SLC4A10: variants seen among roughly 807,000 people sequenced by gnomAD.
SLC4A10 encodes the protein solute carrier family 4 member 10.
In SLC4A10, 42 loss-of-function variants were observed where a neutral mutation model predicts 137.7. That is an observed-to-expected ratio of 0.30 (90% CI 0.24 to 0.39). The LOEUF (loss-of-function observed/expected upper bound fraction) is 0.39, where lower values mean the gene tolerates loss of function less well. Ranked by LOEUF, SLC4A10 falls within the 10% of genes least tolerant of loss-of-function variation. The pLI, the probability that SLC4A10 is intolerant of heterozygous loss-of-function variation, is 1.00. For synonymous variants in SLC4A10, 474 were observed against 464.1 expected (o/e 1.02, Z -0.27); for missense variants, 925 against 1,355.0 (o/e 0.68, Z 4.98).
In SLC4A10 at chr2:161,667,831, GT is replaced by G. The variant is rs2039244192; in HGVS notation, c.48+43271del. Among the ~76,000 whole-genome samples the G allele has an allele frequency of 5.3e-5, 8 of 151,724 alleles. 1 individual carries two copies. In the South Asian group the frequency reaches 1.7e-3, roughly 31 times the overall value. Reference sequence around the variant, plus strand: ...TTTTCATATTTTGAGGTTGTATCTAGTTTTTTAAAAGAACTAGAAATTACTC... The same window carrying G: ...TTTTCATATTTTGAGGTTGTATCTAGTTTTTAAAAGAACTAGAAATTACTC... On this transcript the variant is annotated intron_variant, in intron 1 of 26. Transcript: ENST00000446997.
At chr2:161,902,175 C>T (rs1477405299) in intron 12 of SLC4A10, 1 of 431,718 alleles carries the variant, frequency 2.3e-6, no homozygotes, top group African/African-American at 2.0e-5. Context: ...GTAATGAACT[C>T]CCACTTCCGG....
intron 3 of SLC4A10, 110 bp downstream of exon 3, chr2:161,804,705 T>C: frequency 9.4e-7 from 1 of 1,060,410 alleles, no homozygotes; most frequent in Non-Finnish European, 1.3e-6. Context: ...TATACTTTTA[T>C]AAAAGACTTT....
chr2:161,756,367 T>G (rs917131848), intron 1 of SLC4A10, among the ~76,000 whole-genome samples: 4 of 152,168 alleles, frequency 2.6e-5, no homozygotes, highest in African/African-American at 9.7e-5. Flanking sequence ...AATTAGAAAG[T>G]ATGATTTTTG....
At chr2:161,727,527 C>A (rs2046359519) in intron 1 of SLC4A10, among the ~76,000 whole-genome samples, 1 of 152,112 alleles carries the variant, frequency 6.6e-6, no homozygotes, top group East Asian at 1.9e-4. Context: ...GGAGAAAAAT[C>A]TTTCCAAATT....
chr2:161,832,976 G>A (rs1467884862), intron 3 of SLC4A10, among the ~76,000 whole-genome samples: 1 of 152,122 alleles, frequency 6.6e-6, no homozygotes, highest in African/African-American at 2.4e-5. Flanking sequence ...TGCTGACCTC[G>A]TGATCCGCCC....
intron 1 of SLC4A10, among the ~76,000 whole-genome samples, chr2:161,691,075 TC>T (rs1311391614): frequency 6.6e-6 from 1 of 152,148 alleles, no homozygotes; most frequent in Non-Finnish European, 1.5e-5. Context: ...TACATACATA[TC>T]TTTTGAATTG....
chr2:161,812,532 C>T (rs148248072), intron 3 of SLC4A10, among the ~76,000 whole-genome samples: 44 of 152,098 alleles, frequency 2.9e-4, no homozygotes, highest in Non-Finnish European at 4.4e-4. Flanking sequence ...TTCCCAGCTC[C>T]GGTGATTCCA....
chr2:161,963,760 G>A (rs1465371216), intron 21 of SLC4A10, among the ~76,000 whole-genome samples: 1 of 152,150 alleles, frequency 6.6e-6, no homozygotes, highest in Non-Finnish European at 1.5e-5. Context: ...GAGAGTCCAG[G>A]AATCCCAATG....
intron 1 of SLC4A10, among the ~76,000 whole-genome samples, chr2:161,645,326 A>G (rs1167870316): frequency 3.3e-5 from 5 of 152,172 alleles, no homozygotes; most frequent in Middle Eastern, 6.8e-3. Context: ...TATTTTTCAT[A>G]CTACAAGACT....
intron 6 of SLC4A10, among the ~76,000 whole-genome samples, chr2:161,867,772 T>A (rs1245087701): frequency 6.6e-6 from 1 of 152,022 alleles, no homozygotes; most frequent in Non-Finnish European, 1.5e-5. Flanking sequence ...TTTCTTCATG[T>A]TTTCTATTCC....
At chr2:161,756,134 T>C (rs2049616696) in intron 1 of SLC4A10, among the ~76,000 whole-genome samples, 1 of 152,168 alleles carries the variant, frequency 6.6e-6, no homozygotes, top group Admixed American at 6.6e-5. Context: ...ATTTTGATGG[T>C]GTACTTTTAA....
intron 3 of SLC4A10, among the ~76,000 whole-genome samples, chr2:161,824,607 C>T (rs917861780): frequency 3.9e-5 from 6 of 152,038 alleles, no homozygotes; most frequent in African/African-American, 1.5e-4. Flanking sequence ...TCTAAACCAG[C>T]GCCAGAAGAT....
intron 3 of SLC4A10, among the ~76,000 whole-genome samples, chr2:161,832,051 TAC>T (rs2058468220): frequency 6.6e-6 from 1 of 152,180 alleles, no homozygotes; most frequent in South Asian, 2.1e-4. Flanking sequence ...TTTATCTTTA[TAC>T]AGTAAAGATA....
chr2:161,768,049 C>A (rs1009404078), intron 1 of SLC4A10, among the ~76,000 whole-genome samples: 1 of 152,044 alleles, frequency 6.6e-6, no homozygotes, highest in South Asian at 2.1e-4. Flanking sequence ...TTCCTAGCAT[C>A]TTAGTCTCTT....
intron 2 of SLC4A10, among the ~76,000 whole-genome samples, chr2:161,787,749 A>T (rs561625958): frequency 6.6e-6 from 1 of 152,128 alleles, no homozygotes; most frequent in Admixed American, 6.5e-5. Flanking sequence ...TACTTTTGTG[A>T]ATTTTTTTAT....
intron 3 of SLC4A10, among the ~76,000 whole-genome samples, chr2:161,819,718 A>T (rs1350002281): frequency 1.3e-5 from 2 of 151,750 alleles, no homozygotes; most frequent in Non-Finnish European, 2.9e-5. Flanking sequence ...CTGGTCTCGA[A>T]CTCCTGACCT....
intron 23 of SLC4A10, among the ~76,000 whole-genome samples, chr2:161,970,222 G>A (rs1325881275): frequency 1.3e-5 from 2 of 152,178 alleles, no homozygotes; most frequent in African/African-American, 4.8e-5. Context: ...TAGAGACACA[G>A]AATCTAATAT....
intron 1 of SLC4A10, among the ~76,000 whole-genome samples, chr2:161,627,217 T>C (rs2032578831): frequency 6.6e-6 from 1 of 152,124 alleles, no homozygotes; most frequent in South Asian, 2.1e-4. Flanking sequence ...ATTGAGAGGA[T>C]GTATAGGTTT....
At chr2:161,980,821 A>C (rs970731624) in intron 26 of SLC4A10, among the ~76,000 whole-genome samples, 1 of 152,236 alleles carries the variant, frequency 6.6e-6, no homozygotes, top group South Asian at 2.1e-4. Flanking sequence ...CTCCTAGGTC[A>C]TTATGGAGTT....
Sources: gnomAD v4.1 joint callset for allele counts (sites outside exome capture counted in the v4.1 genomes callset) on GRCh38, gnomAD v4.1.1 for gene constraint, MANE v1.5 for transcripts, NCBI Gene and HGNC (gene_info 2026-07-23, HGNC 2026-07-21) for gene names.